The following SLC9C1 variants were observed in gnomAD, a reference collection of about 807,000 sequenced individuals.
SLC9C1 encodes the protein sodium/hydrogen exchanger 10.
In SLC9C1, 97 loss-of-function variants were observed where a neutral mutation model predicts 140.9. The observed-to-expected ratio is 0.69, with a 90% CI of 0.58 to 0.82. The LOEUF (loss-of-function observed/expected upper bound fraction) is 0.82, where lower values mean the gene tolerates loss of function less well. Among genes scored for constraint, SLC9C1 ranks in the 40% least tolerant of loss-of-function variants. The pLI, the probability that SLC9C1 is intolerant of heterozygous loss-of-function variation, is 0.00. For synonymous variants in SLC9C1, 440 were observed against 442.6 expected, an observed-to-expected ratio of 0.99 and a Z score of 0.07; for missense variants, 1,340 against 1,389.3, an observed-to-expected ratio of 0.96 and a Z score of 0.56.
chr3:112,207,917 C>T (rs1337675870), intron 16 of SLC9C1, among the ~76,000 whole-genome samples: 1 of 152,142 alleles, frequency 6.6e-6, no homozygotes, highest in Non-Finnish European at 1.5e-5. Flanking sequence ...ATTGCCAATA[C>T]CTTTTAAACT....
At chr3:112,172,551 C>T (rs2077265707) in intron 23 of SLC9C1, among the ~76,000 whole-genome samples, 1 of 151,948 alleles carries the variant, frequency 6.6e-6, no homozygotes, top group Non-Finnish European at 1.5e-5. Flanking sequence ...CTTTTTCTAG[C>T]CCTATTGTAC....
chr3:112,174,570 C>T (rs189898820), intron 23 of SLC9C1, among the ~76,000 whole-genome samples: 75 of 152,232 alleles, frequency 4.9e-4, no homozygotes, highest in East Asian at 2.7e-3. Flanking sequence ...AGTGAGTATG[C>T]GCAGTTGTGG....
Position 112,231,340 on chromosome 3 carries a change from CA to C in SLC9C1, c.1572+20del. ...CATAATTTTTGGCCAAACATAATTT[CA>C]AAAGAGAATAATACAGTACTATTTG... is the stretch of plus-strand genomic sequence containing the variant. On this transcript the variant is annotated intron_variant, in intron 13 of 28. Transcript: ENST00000305815. 1.2e-6 allele frequency: 2 copies of C among 1,609,020 alleles called. No homozygotes were observed. The highest frequency in any genetic ancestry group is 1.7e-5 in the Admixed American group (1 of 58,798).
intron 23 of SLC9C1, among the ~76,000 whole-genome samples, 191 bp from the exon 24 acceptor site, chr3:112,169,519 T>A (rs2077206745): frequency 6.6e-6 from 1 of 152,208 alleles, no homozygotes; most frequent in African/African-American, 2.4e-5. Flanking sequence ...TGTTGTTGAC[T>A]TTGTCAAAAT....
chr3:112,141,225 C>T lies in SLC9C1; in HGVS notation c.*47G>A, dbSNP rs774456095. 8 of 1,526,810 alleles carry T rather than the reference C, an allele frequency of 5.2e-6. No homozygotes were observed. The highest frequency in any genetic ancestry group is 1.8e-6 in the Non-Finnish European group (2 of 1,139,318). 94.6% of individuals were successfully genotyped at this position (1,526,810 alleles called of 1,614,324 possible). A position where few individuals can be genotyped will look rare whatever the true frequency, so the allele number is the denominator to read the frequency against. On this transcript the variant is annotated 3_prime_UTR_variant, in exon 29 of 29. Coordinates refer to ENST00000305815, the MANE Select transcript of SLC9C1 (RefSeq NM_183061.3). ...GAAGTGTGTTTCTGCAGCAGGAGGC[C>T]TCTCATAGCCACAGCATTAATACAT... is the stretch of plus-strand genomic sequence containing the variant.
rs1170180872 is a variant in SLC9C1, at chr3:112,208,262, G to A, written c.1902C>T (p.Ser634=). 3 of 1,611,178 alleles carry A rather than the reference G, an allele frequency of 1.9e-6. No homozygotes were observed. Among genetic ancestry groups the A allele is most frequent in the Non-Finnish European group, 1.7e-6 (2 of 1,178,406 alleles). Residue 634 remains serine, a synonymous_variant, in exon 16 of 29, where the codon TCC becomes TCT. Transcript: ENST00000305815. ...NIFPFIISWI[S]QLNVIYHSEL... The stretch of plus-strand genomic sequence containing the variant: ...CGCTGTGGTAGATTACATTTAACTG[G>A]GATATCCAAGAGATTATAAAGGGAA...
At chr3:112,272,800 G>T (rs1279030133) in intron 6 of SLC9C1, among the ~76,000 whole-genome samples, 6 of 152,098 alleles carry the variant, frequency 3.9e-5, no homozygotes, top group Admixed American at 3.9e-4. Flanking sequence ...GAGGCAAGGG[G>T]ATTTTGCTTA....
chr3:112,233,050 CAT>C (rs1226398851), intron 12 of SLC9C1, among the ~76,000 whole-genome samples: 27,378 of 86,172 alleles, frequency 0.32, 3,075 homozygotes, highest in Non-Finnish European at 0.38. Flanking sequence ...CACACACACA[CAT>C]ATATATATAT....
intron 26 of SLC9C1, among the ~76,000 whole-genome samples, chr3:112,164,642 G>T (rs546482061): frequency 6.6e-6 from 1 of 151,142 alleles, no homozygotes; most frequent in African/African-American, 2.4e-5. Context: ...TGAGAGGTCC[G>T]CTATTAGTCG....
At chr3:112,263,205 C>T in intron 9 of SLC9C1, 107 bp from the exon 10 acceptor site, 1 of 893,824 alleles carries the variant, frequency 1.1e-6, no homozygotes, top group Middle Eastern at 2.5e-4. Flanking sequence ...AACTCTCAAA[C>T]AAATGAGACA....
At chr3:112,201,564 A>G (rs902497233) in intron 18 of SLC9C1, among the ~76,000 whole-genome samples, 1 of 152,056 alleles carries the variant, frequency 6.6e-6, no homozygotes, top group Non-Finnish European at 1.5e-5. Context: ...TGCATTCCAC[A>G]TAGCTGACAA....
chr3:112,237,447 C>T (rs1280598606), intron 12 of SLC9C1, among the ~76,000 whole-genome samples: 2 of 152,136 alleles, frequency 1.3e-5, no homozygotes, highest in South Asian at 2.1e-4. Flanking sequence ...GAGCATTTAG[C>T]CCATTTACAT....
At chr3:112,175,623 G>T (rs1351566091) in intron 23 of SLC9C1, among the ~76,000 whole-genome samples, 1 of 152,220 alleles carries the variant, frequency 6.6e-6, no homozygotes, top group Non-Finnish European at 1.5e-5. Flanking sequence ...TTGAAACTCA[G>T]TTGGCCAACA....
chr3:112,251,785 C>T (rs907665640), intron 10 of SLC9C1, among the ~76,000 whole-genome samples: 2 of 151,646 alleles, frequency 1.3e-5, no homozygotes, highest in African/African-American at 4.8e-5. Flanking sequence ...CTTTTTTACA[C>T]AGGTCCATGA....
chr3:112,274,822 A>G, intron 6 of SLC9C1, 75 bp downstream of exon 6: 2 of 1,296,752 alleles, frequency 1.5e-6, no homozygotes, highest in African/African-American at 1.6e-5. Context: ...ATGGTAGGAT[A>G]TTACAAAATA....
At chr3:112,279,998 G>A (rs1054002766) in intron 3 of SLC9C1, among the ~76,000 whole-genome samples, 1 of 152,140 alleles carries the variant, frequency 6.6e-6, no homozygotes, top group Non-Finnish European at 1.5e-5. Flanking sequence ...GCTTATAGAA[G>A]TACTTCAAAT....
rs537399263 is a variant in SLC9C1 at position 112,251,449 on chromosome 3, G to A, written c.1198-7373C>T. ...TAGCAGAGCAGCCATCCAAGCACAC[G>A]TGGAGCCCTAGGTGCTTCAGATACT... On this transcript the variant is annotated intron_variant, in intron 10 of 28. Transcript: ENST00000305815. Among the ~76,000 whole-genome samples, 10 of 152,242 alleles carry A rather than the reference G, an allele frequency of 6.6e-5. No homozygotes were observed. In the East Asian group the frequency reaches 1.7e-3, roughly 27 times the overall value.
intron 26 of SLC9C1, among the ~76,000 whole-genome samples, chr3:112,161,950 C>CA (rs2075313040): frequency 6.6e-6 from 1 of 151,860 alleles, no homozygotes; most frequent in Non-Finnish European, 1.5e-5. Context: ...TTTCCTTGAG[C>CA]AGTGGTTTGT....
chr3:112,214,605 T>G lies in SLC9C1; in HGVS notation c.1790+2837A>C, dbSNP rs532174313. Reference sequence around the variant, plus strand: ...ACCTCTACACAAATAAACTAGAAAATCTACAAGAAATGGATAAATTCCTGG... The same window carrying G: ...ACCTCTACACAAATAAACTAGAAAAGCTACAAGAAATGGATAAATTCCTGG... On this transcript the variant is annotated intron_variant, in intron 15 of 28. Coordinates refer to ENST00000305815, the MANE Select transcript of SLC9C1 (RefSeq NM_183061.3). Among the ~76,000 whole-genome samples the G allele has an allele frequency of 2.3e-4, 35 of 152,002 alleles. 1 individual carries two copies. The highest frequency in any genetic ancestry group is 8.4e-4 in the African/African-American group (35 of 41,444).
Sources: allele counts gnomAD v4.1 joint callset (sites outside exome capture counted in the v4.1 genomes callset), GRCh38; gene constraint gnomAD v4.1.1; transcripts MANE v1.5; gene names NCBI Gene and HGNC (gene_info 2026-07-23, HGNC 2026-07-21).